Variants in WLS observed in about 807,000 individuals in gnomAD.
The protein encoded by WLS is protein wntless homolog.
Under a neutral mutation model 62.8 loss-of-function variants are expected in WLS, and 23 were observed. The ratio of observed to expected loss-of-function variants is 0.37; its 90% CI spans 0.26 to 0.52. The LOEUF is 0.52. Ranked by LOEUF, WLS falls within the 20% of genes least tolerant of loss-of-function variation. The probability of loss-of-function intolerance (pLI) is 0.92; values close to 1 mark genes in which losing one functional copy is unlikely to be tolerated. For synonymous variants in WLS, 246 were observed against 244.1 expected (o/e 1.01, Z -0.07); for missense variants, 615 against 697.3 (o/e 0.88, Z 1.33).
chr1:68,104,287 A>G (rs942147809), intron 11 of WLS, among the ~76,000 whole-genome samples: 5 of 152,168 alleles, frequency 3.3e-5, no homozygotes, highest in African/African-American at 9.7e-5. Flanking sequence ...GAGAATCATC[A>G]CTACCATTAT....
chr1:68,178,634 AG>A (rs954044794), intron 2 of WLS, among the ~76,000 whole-genome samples: 1 of 149,056 alleles, frequency 6.7e-6, no homozygotes, highest in Non-Finnish European at 1.5e-5. Flanking sequence ...TGAACCCAGG[AG>A]GGGGAGGTTG....
chr1:68,157,770 G>A lies in WLS; in HGVS notation c.504+1353C>T, dbSNP rs540541487. 2.0e-5 allele frequency among the ~76,000 whole-genome samples: 3 copies of A among 152,206 alleles called. No homozygotes were observed. The South Asian group carries it at 6.2e-4, about 32-fold the overall frequency. On this transcript the variant is annotated intron_variant, in intron 3 of 11. Coordinates refer to ENST00000262348, the MANE Select transcript of WLS (RefSeq NM_024911.7). ...ATCAACACATCCTAAAGATAATTAA[G>A]CATTAAGAAGCAGTTGCAGGCAAAC...
intron 1 of WLS, chr1:68,228,285 T>A (rs564027763): frequency 9.0e-6 from 4 of 442,098 alleles, no homozygotes; most frequent in South Asian, 6.5e-5. Flanking sequence ...TTTCTATTAA[T>A]CCAGTTCTGA....
chr1:68,145,799 G>T, intron 9 of WLS, 70 bp downstream of exon 9: 1 of 1,591,992 alleles, frequency 6.3e-7, no homozygotes, highest in African/African-American at 1.3e-5. Context: ...TCCAGGGTGT[G>T]TGTGTTTACA....
chr1:68,111,211 G>A (rs1435913193), intron 11 of WLS, among the ~76,000 whole-genome samples: 2 of 152,182 alleles, frequency 1.3e-5, no homozygotes, highest in African/African-American at 4.8e-5. Flanking sequence ...AGCTAAGACA[G>A]CTTTATATAA....
chr1:68,204,310 AATTATT>A (rs889410181), intron 1 of WLS, among the ~76,000 whole-genome samples: 49 of 152,048 alleles, frequency 3.2e-4, no homozygotes, highest in Admixed American at 2.8e-3. Context: ...CATTCTTAGG[AATTATT>A]ATTATTATTA....
chr1:68,209,909 A>G (rs1481642860), intron 1 of WLS, among the ~76,000 whole-genome samples: 2 of 152,228 alleles, frequency 1.3e-5, no homozygotes, highest in South Asian at 2.1e-4. Context: ...TTTGAACCTA[A>G]TCTGTCCCAG....
chr1:68,209,648 C>T (rs528817338), intron 1 of WLS, among the ~76,000 whole-genome samples: 5 of 152,176 alleles, frequency 3.3e-5, no homozygotes, highest in African/African-American at 4.8e-5. Flanking sequence ...GGTGTGGTGG[C>T]GCATGCCTGT....
intron 2 of WLS, among the ~76,000 whole-genome samples, chr1:68,180,010 G>T (rs1485155396): frequency 7.0e-6 from 1 of 141,998 alleles, no homozygotes; most frequent in African/African-American, 2.6e-5. Context: ...TAGAGGTGGT[G>T]GAACATGCTG....
intron 2 of WLS, among the ~76,000 whole-genome samples, chr1:68,189,484 A>G (rs575822308): frequency 6.6e-6 from 1 of 152,168 alleles, no homozygotes; most frequent in African/African-American, 2.4e-5. Context: ...CTAAGTATGT[A>G]TATATGTATA....
chr1:68,129,053 G>A (rs549225670), intron 11 of WLS, among the ~76,000 whole-genome samples: 7 of 152,148 alleles, frequency 4.6e-5, no homozygotes, highest in Admixed American at 6.5e-5. Context: ...AGCCGGGTGC[G>A]GTGGCTCACA....
In WLS at chr1:68,125,688, A is replaced by G. The variant is rs1284920373; in HGVS notation, c.*538T>C. 1.0e-6 allele frequency: 1 copy of G among 985,560 alleles called. No individual in the cohort carries two copies. Among genetic ancestry groups the G allele is most frequent in the Non-Finnish European group, 1.2e-6 (1 of 830,102 alleles). The allele number at this position is 985,560 out of a possible 1,614,324, so 61.1% of individuals were successfully genotyped here. ...TTATATTATGCCACAAAACAGGGAC[A>G]CTTATCTATTGACAACTTAAATATT... is the stretch of plus-strand genomic sequence containing the variant. On this transcript the variant is annotated 3_prime_UTR_variant, in exon 12 of 12. Coordinates refer to ENST00000262348, the MANE Select transcript of WLS (RefSeq NM_024911.7).
chr1:68,109,087 C>T (rs531442609), intron 11 of WLS, among the ~76,000 whole-genome samples: 1 of 152,202 alleles, frequency 6.6e-6, no homozygotes, highest in Admixed American at 6.5e-5. Context: ...ACCTTCACCC[C>T]CAACAAAGAC....
At chr1:68,218,160 T>C (rs752307322) in intron 1 of WLS, among the ~76,000 whole-genome samples, 3 of 152,168 alleles carry the variant, frequency 2.0e-5, no homozygotes, top group South Asian at 2.1e-4. Context: ...ATTTCTTTTA[T>C]AGAAAATTGG....
intron 8 of WLS, among the ~76,000 whole-genome samples, 157 bp downstream of exon 8, chr1:68,147,979 C>A (rs964671549): frequency 1.3e-5 from 2 of 152,196 alleles, no homozygotes; most frequent in African/African-American, 4.8e-5. Context: ...AGTAATTCTT[C>A]TTATTATTAG....
intron 2 of WLS, among the ~76,000 whole-genome samples, chr1:68,192,970 G>A (rs925381934): frequency 4.0e-5 from 6 of 150,192 alleles, no homozygotes; most frequent in Non-Finnish European, 7.4e-5. Context: ...TTTGCTGGGC[G>A]TGGTGGTGGG....
chr1:68,201,640 T>C (rs183108193), intron 1 of WLS, among the ~76,000 whole-genome samples: 2 of 152,358 alleles, frequency 1.3e-5, no homozygotes, highest in African/African-American at 4.8e-5. Flanking sequence ...CTAAGTGAAA[T>C]GAAATTCATT....
At chr1:68,216,960 T>G (rs1649754429) in intron 1 of WLS, among the ~76,000 whole-genome samples, 1 of 152,226 alleles carries the variant, frequency 6.6e-6, no homozygotes, top group African/African-American at 2.4e-5. Flanking sequence ...TACCATGGAC[T>G]TAAATACTTT....
At chr1:68,232,143 G>C (rs758863453) in intron 1 of WLS, 51 bp downstream of exon 1, 2 of 1,611,406 alleles carry the variant, frequency 1.2e-6, no homozygotes, top group South Asian at 1.1e-5. Flanking sequence ...AAAGAGGGAA[G>C]GGGCCCGAAA....
Sources: allele counts gnomAD v4.1 joint callset (sites outside exome capture counted in the v4.1 genomes callset), GRCh38; gene constraint gnomAD v4.1.1; transcripts MANE v1.5; gene names NCBI Gene and HGNC (gene_info 2026-07-23, HGNC 2026-07-21).